The following CARD8 variants were observed in gnomAD, a reference collection of about 807,000 sequenced individuals.
The protein encoded by CARD8 is caspase recruitment domain family member 8.
CARD8 carries 38 observed loss-of-function variants against 53.2 expected under a neutral mutation model. That is an observed-to-expected ratio of 0.71 (90% CI 0.55 to 0.94). The LOEUF is 0.94. Among genes scored for constraint, CARD8 ranks in the 40% least tolerant of loss-of-function variants. The pLI, the probability that CARD8 is intolerant of heterozygous loss-of-function variation, is 0.00. For synonymous variants in CARD8, 245 were observed against 244.9 expected, an observed-to-expected ratio of 1.00 and a Z score of 0.00; for missense variants, 561 against 655.5, an observed-to-expected ratio of 0.86 and a Z score of 1.57.
At position 48,221,771 on chromosome 19, in the gene CARD8, A is replaced by C. The variant is rs1328338532; in HGVS notation, c.1120T>G (p.Tyr374Asp). Residue 374 changes from tyrosine (Y) to aspartate (D), a missense_variant, in exon 11 of 14, where the codon TAT becomes GAT. Coordinates refer to ENST00000651546, the MANE Select transcript of CARD8 (RefSeq NM_001184900.3). ...PMEPLNFGSS[Y>D]IVSNSANLKV... ...AGGTTAGCAGAATTAGACACAATAT[A>C]ACTGGAACCAAAGTTCAGGGGTTCC... 1 of 1,608,166 alleles carries C rather than the reference A, an allele frequency of 6.2e-7. No individual in the cohort carries two copies. The highest frequency in any genetic ancestry group is 1.7e-5 in the Admixed American group (1 of 59,904).
In CARD8 at chr19:48,209,279, G is replaced by T. The variant is rs1401682441; in HGVS notation, c.*2431C>A. The stretch of plus-strand genomic sequence containing the variant: ...CCACTGCACTCCAGCCTGGGTAACA[G>T]AGTTGAGACCCTGTCTTGAAAAAAA... On this transcript the variant is annotated 3_prime_UTR_variant, in exon 14 of 14. Transcript: ENST00000651546. The T allele has an allele frequency of 6.6e-6, 1 of 151,634 alleles. No individual in the cohort carries two copies. The highest frequency in any genetic ancestry group is 1.5e-5 in the Non-Finnish European group (1 of 67,972). 9.4% of individuals were successfully genotyped at this position (151,634 alleles called of 1,614,324 possible). A position where few individuals can be genotyped will look rare whatever the true frequency, so the allele number is the denominator to read the frequency against.
intron 10 of CARD8, among the ~76,000 whole-genome samples, chr19:48,229,572 G>C (rs73944109): frequency 0.04 from 6,067 of 152,268 alleles, 385 homozygotes; most frequent in African/African-American, 0.13. Flanking sequence ...ACGGGGGGAC[G>C]ATACAATTTA....
Position 48,215,356 on chromosome 19 carries a change from G to C in CARD8, c.1332C>G (p.Ala444=), listed in dbSNP as rs2145429782. The C allele has an allele frequency of 6.2e-7, 1 of 1,611,162 alleles. No homozygotes were observed. ...PVDLQLVAAS[A]PPPFSGAAFV... is the part of the protein sequence containing the mutation. ...TTCACTTACCTGAGAAAGGAGGAGGGGCTGATGCAGCTACAAGCTGGAGAT... is the reference window on the plus strand; with the variant it reads ...TTCACTTACCTGAGAAAGGAGGAGGCGCTGATGCAGCTACAAGCTGGAGAT... The change falls in exon 13 of 14, where the codon GCC becomes GCG. Residue 444 remains alanine, a synonymous_variant. Transcript: ENST00000651546.
chr19:48,235,723 C>T (rs1017967047), intron 5 of CARD8, among the ~76,000 whole-genome samples: 1 of 151,936 alleles, frequency 6.6e-6, no homozygotes, highest in Non-Finnish European at 1.5e-5. Flanking sequence ...AATCACTCTC[C>T]ACAAAAGGTT....
intron 5 of CARD8, 71 bp from the exon 6 acceptor site, chr19:48,234,614 G>A (rs2043536633): frequency 1.4e-6 from 2 of 1,417,160 alleles, no homozygotes; most frequent in Admixed American, 2.3e-5. Flanking sequence ...GGCTGTGCAG[G>A]AAGATTTTAT....
chr19:48,230,925 C>T lies in CARD8; in HGVS notation c.624G>A (p.Thr208=), dbSNP rs1158148966. 18 of 1,614,060 alleles carry T rather than the reference C, an allele frequency of 1.1e-5. No individual in the cohort carries two copies. The highest frequency in any genetic ancestry group is 3.3e-5 in the South Asian group (3 of 91,086). The change falls in exon 9 of 14, where the codon ACG becomes ACA. Residue 208 remains threonine (T), a synonymous_variant. Transcript: ENST00000651546. Reference sequence around the variant, plus strand: ...GCTGACTCCAGGAACCAAACGCAATCGTCACTGTGACCTCATCCCTTACCA... The same window carrying T: ...GCTGACTCCAGGAACCAAACGCAATTGTCACTGTGACCTCATCCCTTACCA... The part of the protein sequence containing the change: ...GFLVRDEVTV[T]IAFGSWSQHL...
chr19:48,230,761 G>A lies in CARD8; in HGVS notation c.772+16C>T, dbSNP rs2304134. On this transcript the variant is annotated intron_variant, in intron 9 of 13. Coordinates refer to ENST00000651546, the MANE Select transcript of CARD8 (RefSeq NM_001184900.3). ...CACCCCAGCGGCCCCCACAGCCTCCGCTCACCCCACATTACCTTGGAGGGA... is the reference window on the plus strand; with the variant it reads ...CACCCCAGCGGCCCCCACAGCCTCCACTCACCCCACATTACCTTGGAGGGA... 529,474 of 1,613,094 alleles carry A rather than the reference G, an allele frequency of 0.33. 88,701 individuals carry two copies. Among genetic ancestry groups the A allele is most frequent in the East Asian group, 0.43 (19,068 of 44,830 alleles).
intron 3 of CARD8, among the ~76,000 whole-genome samples, chr19:48,243,291 A>G (rs916340425): frequency 1.3e-5 from 2 of 152,078 alleles, no homozygotes; most frequent in East Asian, 3.9e-4. Context: ...GGGATTACAG[A>G]CGTGAGCCAT....
intron 5 of CARD8, chr19:48,238,161 G>A: frequency 1.4e-6 from 1 of 696,432 alleles, no homozygotes; most frequent in East Asian, 3.6e-5. Flanking sequence ...AGTGTGCTGA[G>A]ATTACAGGTG....
chr19:48,212,570 G>A (rs1008233794), intron 13 of CARD8, among the ~76,000 whole-genome samples: 3 of 152,140 alleles, frequency 2.0e-5, no homozygotes, highest in Non-Finnish European at 4.4e-5. Context: ...TCCATATCAC[G>A]TGGTTTAGAA....
chr19:48,244,485 T>C (rs1008152167), intron 3 of CARD8, among the ~76,000 whole-genome samples: 1 of 152,148 alleles, frequency 6.6e-6, no homozygotes, highest in African/African-American at 2.4e-5. Flanking sequence ...AGAGGAGTAA[T>C]TTCCTGTGAG....
chr19:48,207,975 A>T (rs956307920), downstream of CARD8: 1 of 151,722 alleles, frequency 6.6e-6, no homozygotes, highest in Non-Finnish European at 1.5e-5. Flanking sequence ...GCCTCATCTG[A>T]TTCACCCACC....
At chr19:48,230,189 T>G (rs1021297997) in intron 10 of CARD8, among the ~76,000 whole-genome samples, 2 of 152,164 alleles carry the variant, frequency 1.3e-5, no homozygotes, top group African/African-American at 4.8e-5. Flanking sequence ...ATCACTAACT[T>G]TCTCCTTCTT....
At chr19:48,232,378 T>A in intron 7 of CARD8, 75 bp downstream of exon 7, 2 of 1,356,596 alleles carry the variant, frequency 1.5e-6, no homozygotes, top group Non-Finnish European at 2.0e-6. Context: ...CTCTAAATTG[T>A]CTTCTTCACA....
intron 7 of CARD8, chr19:48,232,149 G>A: frequency 1.8e-6 from 1 of 555,108 alleles, no homozygotes; most frequent in Non-Finnish European, 3.2e-6. Context: ...TGCTGGTGAG[G>A]AAAGTCCAGG....
intron 10 of CARD8, among the ~76,000 whole-genome samples, chr19:48,225,010 C>T (rs1400061113): frequency 1.3e-5 from 2 of 151,986 alleles, no homozygotes; most frequent in Non-Finnish European, 2.9e-5. Flanking sequence ...ACCTCGGCCT[C>T]CCAAAGTCCT....
At chr19:48,240,473 A>G (rs1568881590) in intron 4 of CARD8, among the ~76,000 whole-genome samples, 1 of 152,174 alleles carries the variant, frequency 6.6e-6, no homozygotes, top group Non-Finnish European at 1.5e-5. Context: ...GAGAAGGTCT[A>G]AAAAGTACAC....
intron 10 of CARD8, chr19:48,223,811 G>C (rs1331052784): frequency 4.4e-6 from 2 of 455,570 alleles, no homozygotes; most frequent in African/African-American, 4.0e-5. Flanking sequence ...AATATCTTTG[G>C]TTGTCATGTT....
intron 3 of CARD8, among the ~76,000 whole-genome samples, chr19:48,247,658 C>G (rs1172682789): frequency 6.6e-6 from 1 of 151,506 alleles, no homozygotes; most frequent in Non-Finnish European, 1.5e-5. Flanking sequence ...ATTTATTACC[C>G]TTTATAAAGT....
Sources: allele counts gnomAD v4.1 joint callset (sites outside exome capture counted in the v4.1 genomes callset), GRCh38; gene constraint gnomAD v4.1.1; transcripts MANE v1.5; gene names NCBI Gene and HGNC (gene_info 2026-07-23, HGNC 2026-07-21).